Variants in PTPRT observed in about 807,000 individuals in gnomAD.
PTPRT encodes the protein protein tyrosine phosphatase receptor type T, also known as receptor-type tyrosine-protein phosphatase T.
A neutral mutation model predicts 176.8 loss-of-function variants in PTPRT; 56 were observed. That is an observed-to-expected ratio of 0.32 (90% CI 0.26 to 0.40). The LOEUF is 0.40. Ranked by LOEUF, PTPRT falls within the 10% of genes least tolerant of loss-of-function variation. The pLI is 1.00. For synonymous variants in PTPRT, 783 were observed against 739.0 expected (o/e 1.06, Z -0.96); for missense variants, 1,540 against 1,908.2 (o/e 0.81, Z 3.60).
Position 42,170,248 on chromosome 20 carries a change from G to T in PTPRT, c.2492-8706C>A, listed in dbSNP as rs6093582. On this transcript the variant is annotated intron_variant, in intron 16 of 30. Transcript: ENST00000373187. ...TCTCATTCAACCAACTCTAACACTTGACTTCCTGTTCTAGAAGATAATACA... is the reference window on the plus strand; with the variant it reads ...TCTCATTCAACCAACTCTAACACTTTACTTCCTGTTCTAGAAGATAATACA... 8.7e-3 allele frequency among the ~76,000 whole-genome samples: 1,320 copies of T among 152,328 alleles called. 20 individuals are homozygous for T. The highest frequency in any genetic ancestry group is 0.029 in the African/African-American group (1,226 of 41,564).
At chr20:42,677,780 A>C (rs2075532037) in intron 7 of PTPRT, 86 bp downstream of exon 7, 4 of 1,436,358 alleles carry the variant, frequency 2.8e-6, no homozygotes, top group South Asian at 1.3e-5. Context: ...ATTCGGAATT[A>C]TCTGTCACAG....
At chr20:42,544,807 T>C (rs2072645222) in intron 7 of PTPRT, among the ~76,000 whole-genome samples, 1 of 152,208 alleles carries the variant, frequency 6.6e-6, no homozygotes, top group African/African-American at 2.4e-5. Context: ...GGGTCTTCTT[T>C]TTTTATTTAA....
chr20:43,155,507 A>C lies in PTPRT; in HGVS notation c.88+34139T>G, dbSNP rs1382629498. ...TCTCATAGAAGTAGACAGTAGAATGATGGTACGATTGGCTGGGATGGTTAG... is the reference window on the plus strand; with the variant it reads ...TCTCATAGAAGTAGACAGTAGAATGCTGGTACGATTGGCTGGGATGGTTAG... On this transcript the variant is annotated intron_variant, in intron 1 of 30. Transcript: ENST00000373187. 5.3e-5 allele frequency among the ~76,000 whole-genome samples: 8 copies of C among 152,348 alleles called. No homozygotes were observed. The East Asian group carries it at 1.5e-3, about 29-fold the overall frequency.
Position 43,083,176 on chromosome 20 carries a change from T to C in PTPRT, c.88+106470A>G, listed in dbSNP as rs2011485865. On this transcript the variant is annotated intron_variant, in intron 1 of 30. Transcript: ENST00000373187. The stretch of plus-strand genomic sequence containing the variant: ...CTAGACTGAACCCCTGGTGTTTCAG[T>C]AACAAATTATCCTTCTCATTTCTTA... Among the ~76,000 whole-genome samples, 3 of 150,750 alleles carry C rather than the reference T, an allele frequency of 2.0e-5. No individual in the cohort carries two copies. The South Asian group carries it at 6.3e-4, about 32-fold the overall frequency.
intron 1 of PTPRT, among the ~76,000 whole-genome samples, chr20:42,895,834 T>C (rs1244948170): frequency 1.3e-5 from 2 of 152,200 alleles, no homozygotes; most frequent in Non-Finnish European, 2.9e-5. Context: ...ATTTGGCTGG[T>C]AGGCTATAGC....
In PTPRT at chr20:42,639,173, CA is replaced by C. The variant is rs2074679186; in HGVS notation, c.1153+38692del. ...CAAGGAGCCTATTTTAGTCACAATA[CA>C]ATTTTACCCACTCACAGGTGCTCTG... On this transcript the variant is annotated intron_variant, in intron 7 of 30. Coordinates refer to ENST00000373187, the MANE Select transcript of PTPRT (RefSeq NM_007050.6). Among the ~76,000 whole-genome samples, 3 of 152,098 alleles carry C rather than the reference CA, an allele frequency of 2.0e-5. No individual in the cohort carries two copies. The South Asian group carries it at 6.2e-4, about 32-fold the overall frequency.
intron 7 of PTPRT, among the ~76,000 whole-genome samples, chr20:42,633,878 T>TAATATAATTATTATA (rs2074480653): frequency 1.2e-5 from 1 of 81,132 alleles, no homozygotes; most frequent in African/African-American, 5.3e-5. Context: ...CTATAATATA[T>TAATATAATTATTATA]TATAATATAA....
chr20:42,321,538 T>C (rs2057798401), intron 11 of PTPRT, among the ~76,000 whole-genome samples: 1 of 152,190 alleles, frequency 6.6e-6, no homozygotes, highest in Non-Finnish European at 1.5e-5. Flanking sequence ...TTTGAGTCAT[T>C]CCAATTTCAC....
chr20:42,310,262 T>C (rs2057606642), intron 12 of PTPRT, among the ~76,000 whole-genome samples: 1 of 151,944 alleles, frequency 6.6e-6, no homozygotes, highest in South Asian at 2.1e-4. Flanking sequence ...ATGGGGAAAA[T>C]GAGCCTATCA....
At chr20:42,550,688 A>G (rs182966447) in intron 7 of PTPRT, among the ~76,000 whole-genome samples, 3 of 152,218 alleles carry the variant, frequency 2.0e-5, no homozygotes, top group Non-Finnish European at 4.4e-5. Context: ...CTTTATAGGT[A>G]GATCTAAGTT....
chr20:42,918,264 C>T (rs1978911560), intron 1 of PTPRT, among the ~76,000 whole-genome samples: 1 of 152,092 alleles, frequency 6.6e-6, no homozygotes, highest in Non-Finnish European at 1.5e-5. Context: ...TCACCCAAGC[C>T]CTGTGCTCCT....
chr20:42,980,175 G>T (rs1391803583), intron 1 of PTPRT, among the ~76,000 whole-genome samples: 3 of 152,132 alleles, frequency 2.0e-5, no homozygotes, highest in Non-Finnish European at 4.4e-5. Context: ...CCTTGGAGCA[G>T]TAGCTGCCAG....
At chr20:42,716,368 C>T (rs1279253305) in intron 6 of PTPRT, among the ~76,000 whole-genome samples, 1 of 152,206 alleles carries the variant, frequency 6.6e-6, no homozygotes, top group Non-Finnish European at 1.5e-5. Flanking sequence ...GTCCCACCAA[C>T]AGTATAAAAG....
chr20:42,318,816 T>C (rs2057757787), intron 11 of PTPRT, among the ~76,000 whole-genome samples: 1 of 152,070 alleles, frequency 6.6e-6, no homozygotes, highest in South Asian at 2.1e-4. Flanking sequence ...ATCTTTCCCC[T>C]CTAAATTGAG....
chr20:42,640,410 T>A (rs1383897475), intron 7 of PTPRT, among the ~76,000 whole-genome samples: 1 of 151,920 alleles, frequency 6.6e-6, no homozygotes, highest in Non-Finnish European at 1.5e-5. Flanking sequence ...AAAAAAATTT[T>A]TTTGAGACAG....
chr20:42,474,425 C>T (rs898680531), intron 7 of PTPRT, among the ~76,000 whole-genome samples: 16 of 152,168 alleles, frequency 1.1e-4, no homozygotes, highest in African/African-American at 3.9e-4. Flanking sequence ...CACAGAGCTG[C>T]CCACGTGGCT....
chr20:42,569,855 CATTT>C (rs2073124109), intron 7 of PTPRT, among the ~76,000 whole-genome samples: 1 of 152,034 alleles, frequency 6.6e-6, no homozygotes, highest in South Asian at 2.1e-4. Flanking sequence ...AATAAATGTT[CATTT>C]ATTTATTTGT....
intron 1 of PTPRT, among the ~76,000 whole-genome samples, chr20:42,974,733 C>T (rs1982843021): frequency 1.3e-5 from 2 of 152,232 alleles, no homozygotes; most frequent in Non-Finnish European, 1.5e-5. Context: ...ACTGTATTCG[C>T]ATTACCCACA....
intron 16 of PTPRT, among the ~76,000 whole-genome samples, chr20:42,184,411 TCTTTCCTTTC>T (rs1406716689): frequency 6.6e-6 from 1 of 151,908 alleles, no homozygotes; most frequent in Non-Finnish European, 1.5e-5. Context: ...TGCTGGTATT[TCTTTCCTTTC>T]CTTTCCTTTG....
Sources: allele counts gnomAD v4.1 joint callset (sites outside exome capture counted in the v4.1 genomes callset), GRCh38; gene constraint gnomAD v4.1.1; transcripts MANE v1.5; gene names NCBI Gene and HGNC (gene_info 2026-07-23, HGNC 2026-07-21).